SIKE1: variants seen among roughly 807,000 people sequenced by gnomAD.
SIKE1 encodes suppressor of IKK epsilon.
A neutral mutation model predicts 25.8 loss-of-function variants in SIKE1; 13 were observed. That is an observed-to-expected ratio of 0.50 (90% CI 0.33 to 0.80). The LOEUF is 0.80. Ranked by LOEUF, SIKE1 falls within the 30% of genes least tolerant of loss-of-function variation. The pLI, the probability that SIKE1 is intolerant of heterozygous loss-of-function variation, is 0.02. For synonymous variants in SIKE1, 86 were observed against 95.5 expected (o/e 0.90, Z 0.58); for missense variants, 222 against 252.4 (o/e 0.88, Z 0.82).
At chr1:114,778,739 C>G (rs1662319007) in intron 3 of SIKE1, among the ~76,000 whole-genome samples, 1 of 152,060 alleles carries the variant, frequency 6.6e-6, no homozygotes, top group African/African-American at 2.4e-5. Context: ...AAAACAAGCA[C>G]ACATGGCCAG....
rs200628901 is a variant in SIKE1 at position 114,776,884 on chromosome 1, A to T, written c.409-425T>A. 8.2e-3 allele frequency among the ~76,000 whole-genome samples: 1,251 copies of T among 152,360 alleles called. 9 individuals are homozygous for T. Among genetic ancestry groups the T allele is most frequent in the African/African-American group, 0.027 (1,133 of 41,572 alleles). On this transcript the variant is annotated intron_variant, in intron 3 of 4. Transcript: ENST00000060969. ...CATCAATGATAGACTGGATTAAGAA[A>T]ATGTGGCACATATATACCATGGAAT...
chr1:114,780,206 C>T lies in SIKE1; in HGVS notation c.169G>A (p.Asp57Asn). Residue 57 changes from aspartate to asparagine, a missense_variant, in exon 2 of 5, where the codon GAT (aspartate) becomes AAT (asparagine). By Grantham distance (23) the Asp-to-Asn change is conservative. Transcript: ENST00000060969. ...GACATGTCCTTCATATCGGATGCAT[C>T]CTCTTGATACTGGACAAATAGAGAC... The part of the protein sequence containing the change: ...GTALPDQYQE[D>N]ASDMKDMSKY... 1 of 1,611,734 alleles carries T rather than the reference C, an allele frequency of 6.2e-7. No homozygotes were observed. The highest frequency in any genetic ancestry group is 8.5e-7 in the Non-Finnish European group (1 of 1,178,626).
At position 114,773,158 on chromosome 1, in the gene SIKE1, A is replaced by C. The variant is rs1054569517; in HGVS notation, c.*1113T>G. 10 of 152,190 alleles carry C rather than the reference A, an allele frequency of 6.6e-5. No individual in the cohort carries two copies. Among genetic ancestry groups the C allele is most frequent in the African/African-American group, 2.4e-4 (10 of 41,462 alleles). The allele number at this position is 152,190 out of a possible 1,614,324, so 9.4% of individuals were successfully genotyped here. Reference sequence around the variant, plus strand: ...ATGTGAGTAAACTGGGACGGGAATGAGTTGATGAGTGAACCCAGTTGACCA... The same window carrying C: ...ATGTGAGTAAACTGGGACGGGAATGCGTTGATGAGTGAACCCAGTTGACCA... On this transcript the variant is annotated 3_prime_UTR_variant, in exon 5 of 5. Transcript: ENST00000060969.
rs368193274 is a variant in SIKE1, at chr1:114,774,387, G to T, written c.523-15C>A. The T allele has an allele frequency of 5.1e-6, 8 of 1,573,348 alleles. No homozygotes were observed. The highest frequency in any genetic ancestry group is 1.7e-5 in the Admixed American group (1 of 59,382). On this transcript the variant is annotated splice_polypyrimidine_tract_variant and intron_variant, in intron 4 of 4. Coordinates refer to ENST00000060969, the MANE Select transcript of SIKE1 (RefSeq NM_025073.3). ...TTATTTTCAAGCTGGAAAAAAAAAG[G>T]CATGTTTATTTCTGGTATTTTTACT...
At chr1:114,775,668 G>A (rs1662217391) in intron 4 of SIKE1, among the ~76,000 whole-genome samples, 1 of 151,900 alleles carries the variant, frequency 6.6e-6, no homozygotes, top group Non-Finnish European at 1.5e-5. Context: ...ACCACACCTG[G>A]CTAATTTTCT....
chr1:114,771,662 ATTCTCAAG>A lies in SIKE1; in HGVS notation c.*2601_*2608del, dbSNP rs1344845358. 3 of 152,192 alleles carry A rather than the reference ATTCTCAAG, an allele frequency of 2.0e-5. No individual in the cohort carries two copies. Among genetic ancestry groups the A allele is most frequent in the African/African-American group, 7.2e-5 (3 of 41,432 alleles). The allele number at this position is 152,192 out of a possible 1,614,324, so 9.4% of individuals were successfully genotyped here. On this transcript the variant is annotated 3_prime_UTR_variant, in exon 5 of 5. Transcript: ENST00000060969. The stretch of plus-strand genomic sequence containing the variant: ...CCTACCCATTTATTATCTCTATTGA[ATTCTCAAG>A]TTTAAAGTCCCTCTTCTGTATCTTA...
intron 1 of SIKE1, 39 bp downstream of exon 1, chr1:114,780,410 C>T (rs1662369234): frequency 6.2e-7 from 1 of 1,610,030 alleles, no homozygotes; most frequent in South Asian, 1.1e-5. Flanking sequence ...CTTCAGTGCC[C>T]AGAATCCGAG....
chr1:114,774,456 GA>G (rs985227461), intron 4 of SIKE1, 84 bp from the exon 5 acceptor site: 2 of 906,842 alleles, frequency 2.2e-6, no homozygotes, highest in African/African-American at 3.4e-5. Context: ...GCCAGGAGCA[GA>G]AAACATTATT....
intron 3 of SIKE1, among the ~76,000 whole-genome samples, chr1:114,777,916 G>A (rs1414271112): frequency 2.0e-5 from 3 of 152,066 alleles, no homozygotes; most frequent in African/African-American, 7.2e-5. Flanking sequence ...ACTTTTACTG[G>A]CAGGAAGCTT....
At position 114,769,573 on chromosome 1, in the gene SIKE1, C is replaced by G. The variant is rs1662011713; in HGVS notation, c.*4698G>C. On this transcript the variant is annotated 3_prime_UTR_variant, in exon 5 of 5. Transcript: ENST00000060969. ...ATGAAATATACATCAATGAAAATGACAGCTATAAAACAATAAAACTTGTGA... is the reference window on the plus strand; with the variant it reads ...ATGAAATATACATCAATGAAAATGAGAGCTATAAAACAATAAAACTTGTGA... 1 of 151,706 alleles carries G rather than the reference C, an allele frequency of 6.6e-6. No individual in the cohort carries two copies. The highest frequency in any genetic ancestry group is 1.5e-5 in the Non-Finnish European group (1 of 67,960). The allele number at this position is 151,706 out of a possible 1,614,324, so 9.4% of individuals were successfully genotyped here.
intron 4 of SIKE1, 90 bp from the exon 5 acceptor site, chr1:114,774,462 ATTATT>A (rs1416357795): frequency 2.3e-6 from 2 of 862,892 alleles, no homozygotes; most frequent in African/African-American, 1.7e-5. Flanking sequence ...AGCAGAAAAC[ATTATT>A]TTAATTTTAA....
Position 114,771,425 on chromosome 1 carries a change from T to G in SIKE1, c.*2846A>C, listed in dbSNP as rs182226803. The G allele has an allele frequency of 6.6e-6, 1 of 152,214 alleles. No individual in the cohort carries two copies. Among genetic ancestry groups the G allele is most frequent in the African/African-American group, 2.4e-5 (1 of 41,456 alleles). The allele number at this position is 152,214 out of a possible 1,614,324, so 9.4% of individuals were successfully genotyped here. A position where few individuals can be genotyped will look rare whatever the true frequency, so the allele number is the denominator to read the frequency against. ...TCAAGTTAGTTAGTGATTAAAAATG[T>G]GCTTAAGACTCTGTCTGGGTTTGAA... On this transcript the variant is annotated 3_prime_UTR_variant, in exon 5 of 5. Transcript: ENST00000060969.
At chr1:114,776,648 ATTTT>A (rs34656268) in intron 3 of SIKE1, among the ~76,000 whole-genome samples, 189 bp from the exon 4 acceptor site, 1 of 143,196 alleles carries the variant, frequency 7.0e-6, no homozygotes, top group African/African-American at 2.6e-5. Flanking sequence ...ATTCACGGAT[ATTTT>A]TTTTTTTTTC....
At position 114,769,910 on chromosome 1, in the gene SIKE1, C is replaced by T. The variant is rs1662019913; in HGVS notation, c.*4361G>A. ...ACCCTTTTATAAGCATCAAATATTA[C>T]ATTTAAATATAAGTCCCAAATTATG... On this transcript the variant is annotated 3_prime_UTR_variant, in exon 5 of 5. Transcript: ENST00000060969. The T allele has an allele frequency of 6.6e-6, 1 of 152,142 alleles. No individual in the cohort carries two copies. Among genetic ancestry groups the T allele is most frequent in the African/African-American group, 2.4e-5 (1 of 41,434 alleles). 9.4% of individuals were successfully genotyped at this position (152,142 alleles called of 1,614,324 possible).
At chr1:114,779,973 T>G (rs1662354580) in intron 2 of SIKE1, 137 bp downstream of exon 2, 1 of 629,424 alleles carries the variant, frequency 1.6e-6, no homozygotes, top group East Asian at 2.7e-5. Flanking sequence ...TAACAAACTT[T>G]ATTGTTACTG....
At position 114,770,686 on chromosome 1, in the gene SIKE1, G is replaced by A. The variant is rs548229723; in HGVS notation, c.*3585C>T. The A allele has an allele frequency of 6.6e-5, 10 of 152,346 alleles. No individual in the cohort carries two copies. The highest frequency in any genetic ancestry group is 2.4e-4 in the African/African-American group (10 of 41,570). 9.4% of individuals were successfully genotyped at this position (152,346 alleles called of 1,614,324 possible). A position where few individuals can be genotyped will look rare whatever the true frequency, so the allele number is the denominator to read the frequency against. On this transcript the variant is annotated 3_prime_UTR_variant, in exon 5 of 5. Coordinates refer to ENST00000060969, the MANE Select transcript of SIKE1 (RefSeq NM_025073.3). ...TTAAACACAGGAGTTAGGATACTGG[G>A]CAGCCAAAAGAGAAATGACAGATGT...
chr1:114,774,949 A>G (rs1385519570), intron 4 of SIKE1, among the ~76,000 whole-genome samples: 2 of 152,124 alleles, frequency 1.3e-5, no homozygotes, highest in African/African-American at 2.4e-5. Context: ...CAAAATTCCT[A>G]AAAGTTGTCC....
chr1:114,779,447 G>C (rs1662341434), intron 2 of SIKE1, among the ~76,000 whole-genome samples, 163 bp from the exon 3 acceptor site: 1 of 152,192 alleles, frequency 6.6e-6, no homozygotes, highest in African/African-American at 2.4e-5. Context: ...CTATGTGAAA[G>C]GTAACTTTCT....
chr1:114,780,020 A>C, intron 2 of SIKE1, 90 bp downstream of exon 2: 2 of 888,148 alleles, frequency 2.3e-6, no homozygotes, highest in Non-Finnish European at 3.6e-6. Context: ...AAAAGTACTG[A>C]CCTGGAAATA....
Sources: gnomAD v4.1 joint callset for allele counts (sites outside exome capture counted in the v4.1 genomes callset) on GRCh38, gnomAD v4.1.1 for gene constraint, MANE v1.5 for transcripts, NCBI Gene and HGNC (gene_info 2026-07-23, HGNC 2026-07-21) for gene names.